The following TRERF1 variants were observed in gnomAD, a reference collection of about 807,000 sequenced individuals.
The protein encoded by TRERF1 is transcriptional regulating factor 1, also known as transcriptional-regulating factor 1.
In TRERF1, 27 loss-of-function variants were observed where a neutral mutation model predicts 122.9. That is an observed-to-expected ratio of 0.22 (90% CI 0.16 to 0.30). TRERF1 has a LOEUF of 0.30. Among genes scored for constraint, TRERF1 ranks in the 10% least tolerant of loss-of-function variants. TRERF1 has a pLI of 1.00. For missense variants in TRERF1, 1,248 were observed against 1,560.3 expected (o/e 0.80, Z 3.37); for synonymous variants, 636 against 641.7 (o/e 0.99, Z 0.13).
At chr6:42,239,239 T>C (rs1773053561) in intron 15 of TRERF1, among the ~76,000 whole-genome samples, 1 of 152,210 alleles carries the variant, frequency 6.6e-6, no homozygotes, top group African/African-American at 2.4e-5. Context: ...GGAGCCCTGA[T>C]TGCTGTTTTC....
At chr6:42,315,710 C>A (rs1304154782) in intron 3 of TRERF1, among the ~76,000 whole-genome samples, 3 of 149,204 alleles carry the variant, frequency 2.0e-5, no homozygotes, top group Non-Finnish European at 4.5e-5. Flanking sequence ...AACACCACCC[C>A]CCCCCCCACC....
chr6:42,235,628 T>C (rs1295081506), intron 16 of TRERF1, among the ~76,000 whole-genome samples: 3 of 152,236 alleles, frequency 2.0e-5, no homozygotes, highest in Admixed American at 2.0e-4. Flanking sequence ...TTACTTTTAG[T>C]AAATCTTTTT....
intron 2 of TRERF1, among the ~76,000 whole-genome samples, chr6:42,408,942 T>C (rs895142258): frequency 3.9e-5 from 6 of 152,180 alleles, no homozygotes; most frequent in Admixed American, 3.9e-4. Flanking sequence ...GAGCTATTTA[T>C]TGTAAAATTA....
intron 14 of TRERF1, among the ~76,000 whole-genome samples, chr6:42,244,529 C>T (rs1322403269): frequency 6.6e-6 from 1 of 152,112 alleles, no homozygotes; most frequent in Non-Finnish European, 1.5e-5. Flanking sequence ...AAAATATATT[C>T]CCTCCCCCAC....
intron 3 of TRERF1, among the ~76,000 whole-genome samples, chr6:42,320,207 AT>A: frequency 6.6e-6 from 1 of 152,084 alleles, no homozygotes; most frequent in African/African-American, 2.4e-5. Flanking sequence ...CCATAACTAA[AT>A]TATATTATAT....
intron 15 of TRERF1, 73 bp downstream of exon 15, chr6:42,243,175 C>G: frequency 7.7e-7 from 1 of 1,305,050 alleles, no homozygotes; most frequent in Non-Finnish European, 1.1e-6. Context: ...AAACCAAACA[C>G]CAGCTACTTA....
intron 16 of TRERF1, among the ~76,000 whole-genome samples, chr6:42,234,311 T>C (rs1771563357): frequency 6.6e-6 from 1 of 151,900 alleles, no homozygotes. Context: ...ATTAAGTTTA[T>C]GATCTCTGTT....
At chr6:42,390,056 G>A (rs779604644) in intron 2 of TRERF1, among the ~76,000 whole-genome samples, 22 of 152,230 alleles carry the variant, frequency 1.4e-4, no homozygotes, top group South Asian at 4.1e-4. Context: ...TTATTGAATC[G>A]CCTCTCTCCT....
At chr6:42,394,874 TC>T (rs950920784) in intron 2 of TRERF1, among the ~76,000 whole-genome samples, 2 of 150,822 alleles carry the variant, frequency 1.3e-5, no homozygotes, top group Non-Finnish European at 3.0e-5. Flanking sequence ...AAACCCAACC[TC>T]CCCCCAACAC....
intron 11 of TRERF1, 24 bp downstream of exon 11, chr6:42,256,939 C>G (rs750765054): frequency 1.2e-6 from 2 of 1,613,978 alleles, no homozygotes; most frequent in Non-Finnish European, 1.7e-6. Flanking sequence ...CCTCTCCCAC[C>G]CAGCTCTTCC....
chr6:42,325,316 A>G lies in TRERF1; in HGVS notation c.-370-24567T>C, dbSNP rs1012742489. ...TTATATACTGTTGATGGGAGTGTAA[A>G]TTAGTTCAGCCACCATGGAAAGCAG... On this transcript the variant is annotated intron_variant, in intron 3 of 17. Transcript: ENST00000372922. Among the ~76,000 whole-genome samples, 57 of 152,232 alleles carry G rather than the reference A, an allele frequency of 3.7e-4. 2 individuals carry two copies. The highest frequency in any genetic ancestry group is 1.4e-3 in the African/African-American group (57 of 41,468).
At chr6:42,312,968 C>T (rs1761923300) in intron 3 of TRERF1, among the ~76,000 whole-genome samples, 1 of 152,222 alleles carries the variant, frequency 6.6e-6, no homozygotes, top group Admixed American at 6.5e-5. Flanking sequence ...CCCTCATCTA[C>T]CCATAGCTTG....
At chr6:42,261,467 C>T (rs867971059) in intron 8 of TRERF1, among the ~76,000 whole-genome samples, 1 of 152,096 alleles carries the variant, frequency 6.6e-6, no homozygotes, top group Non-Finnish European at 1.5e-5. Flanking sequence ...TTACAGTGTT[C>T]CACCCCACCA....
intron 2 of TRERF1, among the ~76,000 whole-genome samples, chr6:42,442,106 G>A (rs906730551): frequency 2.0e-5 from 3 of 152,006 alleles, no homozygotes; most frequent in Admixed American, 6.6e-5. Context: ...AAAGAAAAGC[G>A]AACTCAAGCC....
At chr6:42,359,753 A>C (rs9381166) in intron 3 of TRERF1, among the ~76,000 whole-genome samples, 5,710 of 152,086 alleles carry the variant, frequency 0.038, 286 homozygotes, top group East Asian at 0.24. Flanking sequence ...AACAAAAAAA[A>C]CCCCAAAAAT....
intron 2 of TRERF1, among the ~76,000 whole-genome samples, chr6:42,412,768 C>CA (rs910880837): frequency 5.2e-4 from 78 of 150,664 alleles, no homozygotes; most frequent in East Asian, 2.5e-3. Flanking sequence ...TCTACAAAAA[C>CA]AAAAAAAAAT....
chr6:42,403,927 T>C, intron 2 of TRERF1, among the ~76,000 whole-genome samples: 1 of 151,374 alleles, frequency 6.6e-6, no homozygotes, highest in East Asian at 1.9e-4. Context: ...TGAAATTCCA[T>C]GAGACCCCCC....
In TRERF1 at chr6:42,228,558, G is replaced by A. The variant is rs1324499704; in HGVS notation, c.3390C>T (p.Ala1130=). 1 of 1,614,212 alleles carries A rather than the reference G, an allele frequency of 6.2e-7. No individual in the cohort carries two copies. The highest frequency in any genetic ancestry group is 8.5e-7 in the Non-Finnish European group (1 of 1,180,044). The change falls in exon 18 of 18, where the codon GCC becomes GCT. Residue 1130 remains alanine (A), a synonymous_variant. Coordinates refer to ENST00000372922, the Ensembl canonical transcript of TRERF1. The surrounding 1 kb of genome is among the most constrained non-coding windows in gnomAD (Gnocchi z 4.2). The stretch of plus-strand genomic sequence containing the variant: ...CGGGCCCCGTAGTCCTCTCAATCGT[G>A]GCTGCCATCTCAGCTGCAAAAGCCG...
intron 3 of TRERF1, among the ~76,000 whole-genome samples, chr6:42,353,308 C>T (rs1000361668): frequency 2.0e-5 from 3 of 151,924 alleles, no homozygotes; most frequent in Non-Finnish European, 4.4e-5. Flanking sequence ...AACTCAGGGC[C>T]GGGTGTGGTG....
Sources: gnomAD v4.1 joint callset for allele counts (sites outside exome capture counted in the v4.1 genomes callset) on GRCh38, gnomAD v4.1.1 for gene constraint, Gnocchi (gnomAD v3.1) non-coding constraint, MANE v1.5 for transcripts, NCBI Gene and HGNC (gene_info 2026-07-23, HGNC 2026-07-21) for gene names.